Variants in CCDC88A observed in about 807,000 individuals in gnomAD.
CCDC88A encodes the protein coiled-coil and HOOK domain protein 88A, also known as girdin.
CCDC88A carries 54 observed loss-of-function variants against 234.3 expected under a neutral mutation model. The observed-to-expected ratio is 0.23, with a 90% CI of 0.19 to 0.29. The LOEUF is 0.29. Ranked by LOEUF, CCDC88A falls within the 10% of genes least tolerant of loss-of-function variation. The pLI is 1.00. For missense variants in CCDC88A, 1,832 were observed against 2,123.4 expected (o/e 0.86, Z 2.70); for synonymous variants, 753 against 737.8 (o/e 1.02, Z -0.33).
chr2:55,333,835 G>C (rs577201665), intron 15 of CCDC88A, among the ~76,000 whole-genome samples: 1 of 151,834 alleles, frequency 6.6e-6, no homozygotes, highest in South Asian at 2.1e-4. Flanking sequence ...TTGAAATAAA[G>C]GTTTAAAATT....
chr2:55,379,516 C>T (rs924921657), intron 3 of CCDC88A, among the ~76,000 whole-genome samples: 5 of 152,200 alleles, frequency 3.3e-5, no homozygotes, highest in Non-Finnish European at 5.9e-5. Context: ...ATTCTAGACA[C>T]TGAAAATACA....
rs549365381 is a variant in CCDC88A, at chr2:55,339,854, C to T, written c.1334-206G>A. 20 of 419,518 alleles carry T rather than the reference C, an allele frequency of 4.8e-5. No individual in the cohort carries two copies. In the South Asian group the frequency reaches 7.8e-4, roughly 16 times the overall value. 26.0% of individuals were successfully genotyped at this position (419,518 alleles called of 1,614,324 possible). On this transcript the variant is annotated intron_variant, in intron 12 of 32. Coordinates refer to ENST00000436346, the MANE Select transcript of CCDC88A (RefSeq NM_001365480.1). Reference sequence around the variant, plus strand: ...TCTTTTTTTCTTTTTTTTAAAGAGACGGGGTCTCTCTCTGTCACCCAGGCT... The same window carrying T: ...TCTTTTTTTCTTTTTTTTAAAGAGATGGGGTCTCTCTCTGTCACCCAGGCT...
chr2:55,398,827 C>T (rs1291462754), intron 2 of CCDC88A, among the ~76,000 whole-genome samples: 11 of 151,002 alleles, frequency 7.3e-5, no homozygotes, highest in Admixed American at 4.6e-4. Context: ...ATTATACCAT[C>T]GCACTCCCAC....
At chr2:55,408,009 C>T (rs959052816) in intron 2 of CCDC88A, among the ~76,000 whole-genome samples, 12 of 152,024 alleles carry the variant, frequency 7.9e-5, no homozygotes, top group African/African-American at 2.2e-4. Flanking sequence ...TGAGCCACCG[C>T]GCCTGGCCCT....
chr2:55,406,506 G>A (rs1679612959), intron 2 of CCDC88A, among the ~76,000 whole-genome samples: 1 of 152,160 alleles, frequency 6.6e-6, no homozygotes, highest in Admixed American at 6.5e-5. Context: ...TGTAATCCCA[G>A]CACTTGGGAG....
Position 55,419,527 on chromosome 2 carries a change from GA to G in CCDC88A, c.-449del. On this transcript the variant is annotated 5_prime_UTR_variant, in exon 1 of 33. Transcript: ENST00000436346. The stretch of plus-strand genomic sequence containing the variant: ...CGTTAAGGATACCGAGGCGCCACCA[GA>G]CTCGACCTCGGCGTTCCGACCTCTA... 2 of 139,542 alleles carry G rather than the reference GA, an allele frequency of 1.4e-5. No homozygotes were observed. Among genetic ancestry groups the G allele is most frequent in the Non-Finnish European group, 1.6e-5 (1 of 63,170 alleles). 8.6% of individuals were successfully genotyped at this position (139,542 alleles called of 1,614,324 possible).
intron 17 of CCDC88A, among the ~76,000 whole-genome samples, chr2:55,325,683 T>G (rs1330423041): frequency 6.6e-6 from 1 of 152,226 alleles, no homozygotes; most frequent in East Asian, 1.9e-4. Context: ...TTTCTACTTA[T>G]TCTCCAATTA....
chr2:55,361,209 T>C (rs531441059), intron 7 of CCDC88A, among the ~76,000 whole-genome samples: 6 of 152,146 alleles, frequency 3.9e-5, no homozygotes, highest in South Asian at 2.1e-4. Context: ...GAAATACAAA[T>C]AAATAAATGT....
Position 55,308,970 on chromosome 2 carries a change from T to C in CCDC88A, c.4226A>G (p.Asp1409Gly). 1 of 1,614,080 alleles carries C rather than the reference T, an allele frequency of 6.2e-7. No homozygotes were observed. The change falls in exon 25 of 33, where the codon GAT becomes GGT. Residue 1409 changes from aspartate (D) to glycine (G), a missense_variant. Coordinates refer to ENST00000436346, the MANE Select transcript of CCDC88A (RefSeq NM_001365480.1). The stretch of plus-strand genomic sequence containing the variant: ...AGATTTCTGGCGTTCCCGATTAATA[T>C]CTTTCTTAGACTTTATCAATTTTCT... ...KMRKLIKSKK[D>G]INRERQKSLT...
intron 2 of CCDC88A, among the ~76,000 whole-genome samples, chr2:55,397,661 CAA>C (rs1677857891): frequency 6.6e-6 from 1 of 151,804 alleles, no homozygotes; most frequent in Non-Finnish European, 1.5e-5. Flanking sequence ...GAGTTGTTGT[CAA>C]GTTTGTTTCC....
intron 29 of CCDC88A, among the ~76,000 whole-genome samples, chr2:55,299,042 A>T (rs1680559393): frequency 6.6e-6 from 1 of 152,042 alleles, no homozygotes; most frequent in African/African-American, 2.4e-5. Context: ...TCCACTAAAA[A>T]TACAAAAAAT....
chr2:55,361,164 T>C (rs1442654472), intron 7 of CCDC88A, among the ~76,000 whole-genome samples: 1 of 152,044 alleles, frequency 6.6e-6, no homozygotes, highest in African/African-American at 2.4e-5. Context: ...CCTCAGAAAC[T>C]GGAGGATACC....
intron 29 of CCDC88A, among the ~76,000 whole-genome samples, chr2:55,298,765 C>G (rs750097538): frequency 3.3e-5 from 5 of 149,278 alleles, no homozygotes; most frequent in African/African-American, 1.2e-4. Context: ...GTCCCAGTTA[C>G]GTGGGAGGCT....
At chr2:55,416,174 G>C (rs984946612) in intron 2 of CCDC88A, among the ~76,000 whole-genome samples, 3 of 151,632 alleles carry the variant, frequency 2.0e-5, no homozygotes, top group Non-Finnish European at 2.9e-5. Context: ...GAAAAACATA[G>C]ACATGGAAGA....
rs955876022 is a variant in CCDC88A at position 55,302,985 on chromosome 2, C to A, written c.4471+84G>T. The A allele has an allele frequency of 8.0e-6, 7 of 879,068 alleles. No individual in the cohort carries two copies. In the African/African-American group the frequency reaches 8.4e-5, roughly 11 times the overall value. 54.5% of individuals were successfully genotyped at this position (879,068 alleles called of 1,614,324 possible). A position where few individuals can be genotyped will look rare whatever the true frequency, so the allele number is the denominator to read the frequency against. On this transcript the variant is annotated intron_variant, in intron 26 of 32. Coordinates refer to ENST00000436346, the MANE Select transcript of CCDC88A (RefSeq NM_001365480.1). Reference sequence around the variant, plus strand: ...CCTCTGCAAAATAAGGAAATTGGCACAGTCCAGAGAAAGGTTAGTGAAAAA... The same window carrying A: ...CCTCTGCAAAATAAGGAAATTGGCAAAGTCCAGAGAAAGGTTAGTGAAAAA...
intron 7 of CCDC88A, among the ~76,000 whole-genome samples, chr2:55,357,308 A>ATTCCTTCCTTCCTTCC (rs35015971): frequency 1.4e-5 from 2 of 145,794 alleles, no homozygotes; most frequent in Non-Finnish European, 3.0e-5. Context: ...CATCTCAAAA[A>ATTCCTTCCTTCCTTCC]TTCCTTCCTT....
rs1679800109 is a variant in CCDC88A, at chr2:55,294,576, C to T, written c.5551+1021G>A. Reference sequence around the variant, plus strand: ...TCTTTTTACATTTTCCCTACTGATACTGTACATATGTAATATAAAGTACAC... The same window carrying T: ...TCTTTTTACATTTTCCCTACTGATATTGTACATATGTAATATAAAGTACAC... On this transcript the variant is annotated intron_variant, in intron 31 of 32. Transcript: ENST00000436346. 23 of 983,180 alleles carry T rather than the reference C, an allele frequency of 2.3e-5. No homozygotes were observed. The South Asian group carries it at 9.4e-4, about 40-fold the overall frequency. 60.9% of individuals were successfully genotyped at this position (983,180 alleles called of 1,614,324 possible). A position where few individuals can be genotyped will look rare whatever the true frequency, so the allele number is the denominator to read the frequency against.
chr2:55,384,220 TATA>T (rs1675077658), intron 3 of CCDC88A, among the ~76,000 whole-genome samples: 2 of 146,782 alleles, frequency 1.4e-5, no homozygotes, highest in South Asian at 4.3e-4. Context: ...AAACATAATT[TATA>T]AACACATAAG....
intron 9 of CCDC88A, among the ~76,000 whole-genome samples, chr2:55,347,211 G>C (rs761913288): frequency 1.3e-5 from 2 of 152,056 alleles, no homozygotes; most frequent in Non-Finnish European, 2.9e-5. Context: ...TGTCATTTGA[G>C]ACAAATATTA....
Sources: gnomAD v4.1 joint callset for allele counts (sites outside exome capture counted in the v4.1 genomes callset) on GRCh38, gnomAD v4.1.1 for gene constraint, MANE v1.5 for transcripts, NCBI Gene and HGNC (gene_info 2026-07-23, HGNC 2026-07-21) for gene names.